Variants in FBXL17 observed in about 807,000 individuals in gnomAD.
FBXL17 encodes F-box and leucine rich repeat protein 17.
A neutral mutation model predicts 66.2 loss-of-function variants in FBXL17; 22 were observed. The ratio of observed to expected loss-of-function variants is 0.33; its 90% CI spans 0.24 to 0.47. FBXL17 has a LOEUF of 0.47. Ranked by LOEUF, FBXL17 falls within the 20% of genes least tolerant of loss-of-function variation. The pLI is 1.00. For missense variants in FBXL17, 878 were observed against 948.2 expected, an observed-to-expected ratio of 0.93 and a Z score of 0.97; for synonymous variants, 474 against 400.5, an observed-to-expected ratio of 1.18 and a Z score of -2.19.
intron 6 of FBXL17, among the ~76,000 whole-genome samples, chr5:108,118,117 G>A (rs1750336423): frequency 6.6e-6 from 1 of 152,134 alleles, no homozygotes. Flanking sequence ...CAAAGCCACT[G>A]TTTGTGCTTT....
chr5:108,227,194 A>G (rs1755137281), intron 4 of FBXL17, among the ~76,000 whole-genome samples: 1 of 152,104 alleles, frequency 6.6e-6, no homozygotes, highest in Non-Finnish European at 1.5e-5. Context: ...AAGGAACTGT[A>G]TTTTCAACAA....
intron 6 of FBXL17, among the ~76,000 whole-genome samples, chr5:108,097,950 A>G (rs1749445381): frequency 6.6e-6 from 1 of 152,076 alleles, no homozygotes; most frequent in African/African-American, 2.4e-5. Context: ...AACAGGTTTT[A>G]TATTTATCTG....
chr5:108,339,081 A>G (rs1746706982), intron 4 of FBXL17, among the ~76,000 whole-genome samples: 1 of 152,222 alleles, frequency 6.6e-6, no homozygotes, highest in Admixed American at 6.5e-5. Context: ...CAGAAGCCAG[A>G]TTCAACTACA....
At chr5:108,320,366 C>G (rs1014812012) in intron 4 of FBXL17, among the ~76,000 whole-genome samples, 1 of 151,594 alleles carries the variant, frequency 6.6e-6, no homozygotes, top group African/African-American at 2.4e-5. Context: ...ACCCACCAGA[C>G]AAGCCTGTCC....
At chr5:108,319,635 G>A (rs925861963) in intron 4 of FBXL17, among the ~76,000 whole-genome samples, 6 of 151,320 alleles carry the variant, frequency 4.0e-5, no homozygotes, top group African/African-American at 9.7e-5. Flanking sequence ...CCTAGGAATC[G>A]TTTATTTTAA....
intron 4 of FBXL17, among the ~76,000 whole-genome samples, chr5:108,226,624 T>G (rs576690424): frequency 6.6e-6 from 1 of 152,190 alleles, no homozygotes; most frequent in African/African-American, 2.4e-5. Flanking sequence ...TAAACATTAT[T>G]CTGGGTATTC....
chr5:107,917,723 T>C (rs547755129), intron 7 of FBXL17, among the ~76,000 whole-genome samples: 4 of 152,240 alleles, frequency 2.6e-5, no homozygotes, highest in Non-Finnish European at 4.4e-5. Context: ...TTGCTAAAGA[T>C]GCTCCCTTTC....
At chr5:108,193,681 T>C (rs564254008) in intron 5 of FBXL17, among the ~76,000 whole-genome samples, 1 of 152,172 alleles carries the variant, frequency 6.6e-6, no homozygotes, top group East Asian at 1.9e-4. Flanking sequence ...AGGGTAGAAC[T>C]GAAAGGCTCT....
chr5:108,339,028 T>C (rs894364980), intron 4 of FBXL17, among the ~76,000 whole-genome samples: 13 of 152,150 alleles, frequency 8.5e-5, no homozygotes, highest in Non-Finnish European at 1.9e-4. Context: ...ATCTTTGTGA[T>C]AATGACTACA....
At chr5:108,047,647 C>A (rs1334202264) in intron 6 of FBXL17, among the ~76,000 whole-genome samples, 1 of 152,158 alleles carries the variant, frequency 6.6e-6, no homozygotes, top group Admixed American at 6.5e-5. Context: ...GAGCTGTCCC[C>A]CATAGCTCAA....
At chr5:108,356,307 A>T (rs1214537988) in intron 3 of FBXL17, among the ~76,000 whole-genome samples, 4 of 152,140 alleles carry the variant, frequency 2.6e-5, no homozygotes, top group African/African-American at 9.7e-5. Context: ...TTAGCACATG[A>T]TCCAGCAATC....
Position 108,210,052 on chromosome 5 carries a change from G to A in FBXL17, c.1614+14069C>T, listed in dbSNP as rs191139562. Among the ~76,000 whole-genome samples, 27 of 152,266 alleles carry A rather than the reference G, an allele frequency of 1.8e-4. No homozygotes were observed. In the East Asian group the frequency reaches 4.8e-3, roughly 27 times the overall value. On this transcript the variant is annotated intron_variant, in intron 5 of 8. Coordinates refer to ENST00000542267, the MANE Select transcript of FBXL17 (RefSeq NM_001163315.3). ...CATTTAGACTTGGGAGGGTGTATGT[G>A]TCCAGGAATGTATCCATTTCTTCCA...
At chr5:108,157,823 T>C (rs2150003327) in intron 6 of FBXL17, among the ~76,000 whole-genome samples, 1 of 152,174 alleles carries the variant, frequency 6.6e-6, no homozygotes, top group South Asian at 2.1e-4. Flanking sequence ...GCAGAATGAA[T>C]GCATCAATTC....
chr5:108,063,884 T>C (rs1027654149), intron 6 of FBXL17, among the ~76,000 whole-genome samples: 3 of 152,192 alleles, frequency 2.0e-5, no homozygotes, highest in Admixed American at 6.5e-5. Flanking sequence ...ATAAAATTTA[T>C]CATCTGCTGA....
chr5:108,135,606 C>T (rs920020751), intron 6 of FBXL17, among the ~76,000 whole-genome samples: 5 of 152,034 alleles, frequency 3.3e-5, no homozygotes, highest in African/African-American at 1.2e-4. Context: ...ACTGAGTAAA[C>T]AACAAAGAAC....
intron 6 of FBXL17, among the ~76,000 whole-genome samples, chr5:108,155,822 T>G (rs1481638121): frequency 6.6e-6 from 1 of 152,216 alleles, no homozygotes; most frequent in Non-Finnish European, 1.5e-5. Flanking sequence ...AAGGAATCCA[T>G]CTTGCAATAA....
intron 5 of FBXL17, among the ~76,000 whole-genome samples, chr5:108,190,931 C>G (rs1020752581): frequency 1.4e-4 from 22 of 152,216 alleles, no homozygotes; most frequent in Non-Finnish European, 2.9e-5. Context: ...TTGAGAACTG[C>G]AGATGCTGGG....
chr5:107,884,034 C>T (rs1748881778), intron 7 of FBXL17, among the ~76,000 whole-genome samples: 1 of 152,146 alleles, frequency 6.6e-6, no homozygotes, highest in Non-Finnish European at 1.5e-5. Context: ...TGGGAAGACT[C>T]ATTTCAGAGA....
At chr5:108,298,658 G>T in intron 4 of FBXL17, 1 of 874,722 alleles carries the variant, frequency 1.1e-6, no homozygotes, top group Non-Finnish European at 1.4e-6. Context: ...TTCATCCTTT[G>T]ATATAGTAAT....
Sources: gnomAD v4.1 joint callset for allele counts (sites outside exome capture counted in the v4.1 genomes callset) on GRCh38, gnomAD v4.1.1 for gene constraint, MANE v1.5 for transcripts, NCBI Gene and HGNC (gene_info 2026-07-23, HGNC 2026-07-21) for gene names.